Variants in IL1RAPL2 observed in about 807,000 individuals in gnomAD.
The protein encoded by IL1RAPL2 is interleukin 1 receptor accessory protein like 2, also known as X-linked interleukin-1 receptor accessory protein-like 2.
Under a neutral mutation model 44.1 loss-of-function variants are expected in IL1RAPL2, and 3 were observed. The ratio of observed to expected loss-of-function variants is 0.07; its 90% confidence interval spans 0.03 to 0.18. The LOEUF is 0.18. Among genes scored for constraint, IL1RAPL2 ranks in the 10% least tolerant of loss-of-function variants. The pLI, the probability that IL1RAPL2 is intolerant of heterozygous loss-of-function variation, is 1.00. For synonymous variants in IL1RAPL2, 181 were observed against 178.8 expected, an observed-to-expected ratio of 1.01 and a Z score of -0.10; for missense variants, 391 against 496.4, an observed-to-expected ratio of 0.79 and a Z score of 2.02.
At chrX:104,891,359 G>T (rs995470625) in intron 2 of IL1RAPL2, among the ~76,000 whole-genome samples, 3 of 111,940 alleles carry the variant, frequency 2.7e-5, no homozygotes, top group African/African-American at 6.5e-5. Context: ...GTTTGATGGG[G>T]ATCGCATTGA....
At chrX:105,048,017 C>G (rs2031864620) in intron 2 of IL1RAPL2, among the ~76,000 whole-genome samples, 1 of 111,151 alleles carries the variant, frequency 9.0e-6, no homozygotes, top group South Asian at 3.9e-4. Flanking sequence ...AAACGACTTC[C>G]CAGACCACCA....
intron 3 of IL1RAPL2, among the ~76,000 whole-genome samples, chrX:105,200,152 A>G (rs2033704957): frequency 8.9e-6 from 1 of 112,097 alleles, no homozygotes; most frequent in Admixed American, 9.5e-5. Context: ...GTAATTACGA[A>G]TGACTTTTCT....
chrX:105,044,091 A>C (rs1468424676), intron 2 of IL1RAPL2, among the ~76,000 whole-genome samples: 2 of 111,635 alleles, frequency 1.8e-5, no homozygotes, highest in Non-Finnish European at 3.8e-5. Flanking sequence ...CCTTGTACTC[A>C]GAACACTTGT....
At chrX:104,945,560 C>T (rs1925321476) in intron 2 of IL1RAPL2, among the ~76,000 whole-genome samples, 1 of 111,679 alleles carries the variant, frequency 9.0e-6, no homozygotes, top group Non-Finnish European at 1.9e-5. Flanking sequence ...ATACAGGGCT[C>T]ATTAATTTCT....
intron 5 of IL1RAPL2, among the ~76,000 whole-genome samples, chrX:105,277,975 C>T (rs1022549763): frequency 9.0e-6 from 1 of 111,563 alleles, no homozygotes; most frequent in African/African-American, 3.3e-5. Flanking sequence ...ACAGGGCTAT[C>T]TATTAACCCT....
intron 2 of IL1RAPL2, among the ~76,000 whole-genome samples, chrX:104,808,808 G>A (rs1478029235): frequency 9.0e-6 from 1 of 111,656 alleles, no homozygotes; most frequent in Admixed American, 9.5e-5. Context: ...GTTGAACGCT[G>A]GCAGTTAGAT....
At chrX:105,372,946 C>G (rs776926416) in intron 5 of IL1RAPL2, among the ~76,000 whole-genome samples, 2 of 112,427 alleles carry the variant, frequency 1.8e-5, no homozygotes, top group South Asian at 7.3e-4. Context: ...TATTCCATTT[C>G]TGTGCTATTG....
chrX:105,307,429 C>A (rs183857149), intron 5 of IL1RAPL2, among the ~76,000 whole-genome samples: 885 of 58,879 alleles, frequency 0.015, 24 homozygotes, highest in African/African-American at 0.058. Context: ...CAGGATGACC[C>A]TCTCTCTAAA....
At chrX:105,144,092 TGG>T (rs1377414949) in intron 2 of IL1RAPL2, among the ~76,000 whole-genome samples, 3 of 78,612 alleles carry the variant, frequency 3.8e-5, no homozygotes, top group African/African-American at 5.6e-5. Flanking sequence ...TTTCAACAGA[TGG>T]GTGTGTGTGT....
In IL1RAPL2 at chrX:104,949,737, C is replaced by G. The variant is rs1169991491; in HGVS notation, c.83-245738C>G. ...CATGTAGTTGAGCAGTTTTGAGTGACTTTCTTAATCCTGAGTTCTAGTTTG... is the reference window on the plus strand; with the variant it reads ...CATGTAGTTGAGCAGTTTTGAGTGAGTTTCTTAATCCTGAGTTCTAGTTTG... On this transcript the variant is annotated intron_variant, in intron 2 of 10. Coordinates refer to ENST00000372582, the MANE Select transcript of IL1RAPL2 (RefSeq NM_017416.2). Among the ~76,000 whole-genome samples the G allele has an allele frequency of 5.0e-4, 56 of 111,168 alleles. 1 individual carries two copies. The highest frequency in any genetic ancestry group is 1.4e-3 in the African/African-American group (43 of 30,557).
At chrX:105,536,870 T>C (rs1438866728) in intron 6 of IL1RAPL2, among the ~76,000 whole-genome samples, 1 of 112,040 alleles carries the variant, frequency 8.9e-6, no homozygotes, top group Non-Finnish European at 1.9e-5. Flanking sequence ...AGTAACTGCA[T>C]ATATTTTTAA....
chrX:105,413,773 C>T (rs2035713200), intron 5 of IL1RAPL2, among the ~76,000 whole-genome samples: 1 of 112,229 alleles, frequency 8.9e-6, no homozygotes, highest in Admixed American at 9.5e-5. Flanking sequence ...CCACAACAAA[C>T]GTTATAGGCC....
intron 5 of IL1RAPL2, among the ~76,000 whole-genome samples, chrX:105,445,912 C>G (rs192328882): frequency 7.7e-4 from 86 of 111,402 alleles, no homozygotes; most frequent in Middle Eastern, 4.7e-3. Context: ...TCAGTTTGGT[C>G]TCTAGTGCAG....
intron 6 of IL1RAPL2, among the ~76,000 whole-genome samples, chrX:105,498,006 G>T (rs1193844449): frequency 8.9e-6 from 1 of 111,734 alleles, no homozygotes; most frequent in Non-Finnish European, 1.9e-5. Flanking sequence ...AGGCAAGTGT[G>T]CCCACTCTTG....
At position 105,175,167 on chromosome X, in the gene IL1RAPL2, CATT is replaced by C. The variant is rs1569397620; in HGVS notation, c.83-20303_83-20301del. Among the ~76,000 whole-genome samples, 5 of 111,411 alleles carry C rather than the reference CATT, an allele frequency of 4.5e-5. No individual in the cohort carries two copies. The Admixed American group carries it at 4.8e-4, about 11-fold the overall frequency. ...GTACTATTATTATCATCATTACTAT[CATT>C]ATTACTACTATTTACCAGCTTATAA... is the stretch of plus-strand genomic sequence containing the variant. On this transcript the variant is annotated intron_variant, in intron 2 of 10. Transcript: ENST00000372582.
intron 1 of IL1RAPL2, among the ~76,000 whole-genome samples, chrX:104,614,042 C>G (rs1929221029): frequency 1.8e-5 from 2 of 110,190 alleles, no homozygotes; most frequent in Non-Finnish European, 3.8e-5. Flanking sequence ...GTAATTTTAC[C>G]TTTGTTGTTT....
In IL1RAPL2 at chrX:104,897,081, G is replaced by A. The variant is rs1362975489; in HGVS notation, c.82+238086G>A. On this transcript the variant is annotated intron_variant, in intron 2 of 10. Transcript: ENST00000372582. The stretch of plus-strand genomic sequence containing the variant: ...CATGAGAGTCCACAGCTTCGTTCTC[G>A]AAGTCAGCGAGACCAAGAACCCACT... Among the ~76,000 whole-genome samples the A allele has an allele frequency of 6.3e-5, 7 of 111,887 alleles. No homozygotes were observed. The East Asian group carries it at 8.5e-4, about 14-fold the overall frequency.
intron 2 of IL1RAPL2, among the ~76,000 whole-genome samples, chrX:104,907,981 G>C (rs184713931): frequency 1.8e-5 from 2 of 110,247 alleles, no homozygotes; most frequent in African/African-American, 6.6e-5. Flanking sequence ...ATGAATTTGG[G>C]TGCTCCTGTG....
intron 2 of IL1RAPL2, among the ~76,000 whole-genome samples, chrX:105,187,662 T>C (rs180873501): frequency 8.0e-5 from 9 of 111,981 alleles, no homozygotes; most frequent in Admixed American, 3.8e-4. Flanking sequence ...ATCTTACTTA[T>C]ATGTGGGATC....
Sources: gnomAD v4.1 joint callset for allele counts (sites outside exome capture counted in the v4.1 genomes callset) on GRCh38, gnomAD v4.1.1 for gene constraint, MANE v1.5 for transcripts, NCBI Gene and HGNC (gene_info 2026-07-23, HGNC 2026-07-21) for gene names.